Variants in BLTP3A observed in about 807,000 individuals in gnomAD.
BLTP3A encodes the protein ICBP90 binding protein 1.
the BLTP3A span, among the ~76,000 whole-genome samples, chr6:34,804,479 G>T: frequency 6.6e-6 from 1 of 152,158 alleles, no homozygotes; most frequent in Non-Finnish European, 1.5e-5. Context: ...GAGCTGGGGG[G>T]TTGGAGTGGG....
chr6:34,856,639 T>G, the BLTP3A span: 1 of 1,138,826 alleles, frequency 8.8e-7, no homozygotes, highest in African/African-American at 1.6e-5. Context: ...TTAAGAATAA[T>G]ATCATTTTTG....
At chr6:34,856,767 T>C in the BLTP3A span, 3 of 1,606,864 alleles carry the variant, frequency 1.9e-6, no homozygotes, top group South Asian at 2.2e-5. Context: ...TCTGATTCTT[T>C]TTCCCACCTT....
At chr6:34,867,523 G>A in the BLTP3A span, 1 of 1,614,172 alleles carries the variant, frequency 6.2e-7, no homozygotes, top group Non-Finnish European at 8.5e-7. Context: ...GGTACGTGGT[G>A]AGGACCTGAC....
the BLTP3A span, among the ~76,000 whole-genome samples, chr6:34,847,854 C>A: frequency 2.3e-5 from 3 of 129,942 alleles, no homozygotes; most frequent in South Asian, 2.5e-4. Flanking sequence ...GGTGTCCTTG[C>A]TTTTCTAGTT....
At chr6:34,830,787 T>A in the BLTP3A span, among the ~76,000 whole-genome samples, 1 of 152,234 alleles carries the variant, frequency 6.6e-6, no homozygotes, top group Non-Finnish European at 1.5e-5. Flanking sequence ...GCTAGATAGT[T>A]ATTCATAGTG....
chr6:34,854,231 A>G, the BLTP3A span, among the ~76,000 whole-genome samples: 77 of 152,288 alleles, frequency 5.1e-4, no homozygotes, highest in African/African-American at 1.8e-3. Context: ...CAAAAAAAGA[A>G]AAAAATTAAA....
chr6:34,835,326 G>A, the BLTP3A span: 1 of 1,614,162 alleles, frequency 6.2e-7, no homozygotes, highest in South Asian at 1.1e-5. Context: ...CCTCCAAGCT[G>A]ATGTTCCTGT....
At chr6:34,836,105 A>T in the BLTP3A span, 1 of 1,579,188 alleles carries the variant, frequency 6.3e-7, no homozygotes, top group South Asian at 1.1e-5. Context: ...AAAGCCTACA[A>T]AGGATCTTTT....
At chr6:34,846,631 T>A in the BLTP3A span, among the ~76,000 whole-genome samples, 3 of 152,338 alleles carry the variant, frequency 2.0e-5, no homozygotes, top group East Asian at 5.8e-4. Context: ...GCAGCTTTAC[T>A]GAATTTGTTT....
the BLTP3A span, among the ~76,000 whole-genome samples, chr6:34,830,277 C>G: frequency 2.0e-5 from 3 of 151,888 alleles, no homozygotes; most frequent in Non-Finnish European, 4.4e-5. Flanking sequence ...TCAATCATGA[C>G]TCCATGTATT....
chr6:34,792,445 A>G, the BLTP3A span: 751 of 764,838 alleles, frequency 9.8e-4, 3 homozygotes, highest in Non-Finnish European at 1.3e-3. Context: ...GAGCCCGGAC[A>G]GCTTCCCCCC....
the BLTP3A span, chr6:34,821,952 C>T: frequency 6.2e-7 from 1 of 1,614,204 alleles, no homozygotes; most frequent in South Asian, 1.1e-5. Flanking sequence ...ACCCTATTTG[C>T]TTGGTAATGA....
At chr6:34,853,052 T>C in the BLTP3A span, among the ~76,000 whole-genome samples, 1 of 152,196 alleles carries the variant, frequency 6.6e-6, no homozygotes, top group African/African-American at 2.4e-5. Context: ...GGTGGGGTGG[T>C]GTCAGCAATT....
At chr6:34,796,485 A>G in the BLTP3A span, among the ~76,000 whole-genome samples, 1 of 152,232 alleles carries the variant, frequency 6.6e-6, no homozygotes, top group Admixed American at 6.5e-5. Context: ...TTTAATGCCC[A>G]GTATTCATTT....
the BLTP3A span, among the ~76,000 whole-genome samples, chr6:34,820,343 T>G: frequency 6.6e-6 from 1 of 152,268 alleles, no homozygotes; most frequent in Admixed American, 6.5e-5. Context: ...TTCATGAGTT[T>G]ATAGGGCTAG....
chr6:34,844,836 G>A, the BLTP3A span, among the ~76,000 whole-genome samples: 1 of 151,908 alleles, frequency 6.6e-6, no homozygotes, highest in Non-Finnish European at 1.5e-5. Context: ...TTCTTTTTCT[G>A]TGCAGAGGCT....
chr6:34,856,951 G>T, the BLTP3A span: 3 of 1,605,696 alleles, frequency 1.9e-6, no homozygotes, highest in Non-Finnish European at 2.6e-6. Context: ...AGGAAACATG[G>T]TTGGAAAGAG....
At chr6:34,831,842 G>T in the BLTP3A span, among the ~76,000 whole-genome samples, 3 of 152,118 alleles carry the variant, frequency 2.0e-5, no homozygotes, top group Non-Finnish European at 4.4e-5. Flanking sequence ...TTGAGACGGA[G>T]CCTCGCTCTG....
At chr6:34,857,640 G>A in the BLTP3A span, 79 of 1,477,318 alleles carry the variant, frequency 5.3e-5, no homozygotes, top group Middle Eastern at 1.9e-4. Flanking sequence ...CCTTTGCTCT[G>A]TTCGTAATAT....
Sources: gnomAD v4.1 joint callset for allele counts (sites outside exome capture counted in the v4.1 genomes callset) on GRCh38, gnomAD v4.1.1 for gene constraint, MANE v1.5 for transcripts, NCBI Gene and HGNC (gene_info 2026-07-23, HGNC 2026-07-21) for gene names.